The following GRID1 variants were observed in gnomAD, a reference collection of about 807,000 sequenced individuals.
GRID1 encodes the protein glutamate receptor ionotropic, delta-1.
In GRID1, 28 loss-of-function variants were observed where a neutral mutation model predicts 98.0. That is an observed-to-expected ratio of 0.29 (90% CI 0.21 to 0.39). The LOEUF (loss-of-function observed/expected upper bound fraction) is 0.39, where lower values mean the gene tolerates loss of function less well. Ranked by LOEUF, GRID1 falls within the 10% of genes least tolerant of loss-of-function variation. GRID1 has a pLI of 1.00. For synonymous variants in GRID1, 553 were observed against 538.5 expected (o/e 1.03, Z -0.37); for missense variants, 1,111 against 1,340.5 (o/e 0.83, Z 2.67).
intron 12 of GRID1, among the ~76,000 whole-genome samples, chr10:85,671,029 A>G (rs532018806): frequency 3.4e-4 from 52 of 152,310 alleles, no homozygotes; most frequent in Non-Finnish European, 6.3e-4. Flanking sequence ...CCTATGTCCT[A>G]TGAGGACACT....
intron 3 of GRID1, among the ~76,000 whole-genome samples, chr10:86,203,708 T>G (rs1355484922): frequency 1.3e-5 from 2 of 151,654 alleles, no homozygotes; most frequent in African/African-American, 2.4e-5. Flanking sequence ...GACAGCGCCA[T>G]GAGCACACCA....
intron 4 of GRID1, among the ~76,000 whole-genome samples, chr10:85,937,910 G>C (rs1841947909): frequency 6.6e-6 from 1 of 152,176 alleles, no homozygotes; most frequent in Non-Finnish European, 1.5e-5. Context: ...TCAACACAAA[G>C]TTGACACTAA....
intron 5 of GRID1, among the ~76,000 whole-genome samples, chr10:85,899,752 A>C (rs1255576741): frequency 6.6e-6 from 1 of 152,134 alleles, no homozygotes; most frequent in Non-Finnish European, 1.5e-5. Context: ...ACTTGTTCAG[A>C]TCCCCATGGG....
intron 2 of GRID1, among the ~76,000 whole-genome samples, chr10:86,280,872 T>A (rs1463204037): frequency 6.6e-6 from 1 of 152,198 alleles, no homozygotes; most frequent in Non-Finnish European, 1.5e-5. Flanking sequence ...TAGCTCATTC[T>A]CCAGCCTCGA....
chr10:86,097,151 G>C (rs1374429036), intron 4 of GRID1, among the ~76,000 whole-genome samples: 1 of 152,164 alleles, frequency 6.6e-6, no homozygotes, highest in Non-Finnish European at 1.5e-5. Flanking sequence ...TTCAGACTTG[G>C]ACTGAGCCAC....
intron 8 of GRID1, among the ~76,000 whole-genome samples, chr10:85,833,053 CA>C (rs1842882613): frequency 6.6e-6 from 1 of 152,188 alleles, no homozygotes; most frequent in East Asian, 1.9e-4. Context: ...TCCACACCCC[CA>C]CTGAGAGATA....
intron 3 of GRID1, among the ~76,000 whole-genome samples, chr10:86,197,475 T>C (rs1845892900): frequency 6.6e-6 from 1 of 151,928 alleles, no homozygotes; most frequent in African/African-American, 2.4e-5. Context: ...CAACACAACA[T>C]CTCCCTTGTT....
At chr10:86,077,139 T>A (rs1208018686) in intron 4 of GRID1, among the ~76,000 whole-genome samples, 1 of 138,166 alleles carries the variant, frequency 7.2e-6, no homozygotes, top group East Asian at 2.0e-4. Context: ...GGGACCATGG[T>A]GGGTGAGTTG....
intron 3 of GRID1, among the ~76,000 whole-genome samples, chr10:86,140,576 G>T (rs1258806959): frequency 6.6e-6 from 1 of 152,206 alleles, no homozygotes; most frequent in Non-Finnish European, 1.5e-5. Flanking sequence ...GCGCGAGGGA[G>T]AAGAGCAGAG....
In GRID1 at chr10:85,972,588, A is replaced by G. The variant is rs139844761; in HGVS notation, c.727-56349T>C. Among the ~76,000 whole-genome samples the G allele has an allele frequency of 3.3e-3, 502 of 151,928 alleles. 2 individuals carry two copies. The highest frequency in any genetic ancestry group is 0.011 in the African/African-American group (477 of 41,480). ...GAAATACTTTCTCAGTGCCTTTGCA[A>G]TCATCATGTTTATTGGCTACACAAT... On this transcript the variant is annotated intron_variant, in intron 4 of 15. Transcript: ENST00000327946.
At chr10:85,620,795 G>A (rs1842850105) in intron 13 of GRID1, among the ~76,000 whole-genome samples, 1 of 152,218 alleles carries the variant, frequency 6.6e-6, no homozygotes, top group African/African-American at 2.4e-5. Flanking sequence ...GCACATACAT[G>A]TGTAATAAGC....
At chr10:86,284,677 TGGCAGTCAAGGCAGGCAGAAAA>T (rs1311283311) in intron 2 of GRID1, among the ~76,000 whole-genome samples, 1 of 152,242 alleles carries the variant, frequency 6.6e-6, no homozygotes, top group Non-Finnish European at 1.5e-5. Flanking sequence ...GCTCTCAGTA[TGGCAGTCAAGGCAGGCAGAAAA>T]GCTAAGAGAG....
At chr10:86,302,259 G>A (rs900547799) in intron 2 of GRID1, among the ~76,000 whole-genome samples, 1 of 152,208 alleles carries the variant, frequency 6.6e-6, no homozygotes, top group African/African-American at 2.4e-5. Flanking sequence ...GCCTTCTTGG[G>A]AGACACATCT....
chr10:86,019,835 C>T (rs539372598), intron 4 of GRID1, among the ~76,000 whole-genome samples: 1 of 152,350 alleles, frequency 6.6e-6, no homozygotes, highest in East Asian at 1.9e-4. Context: ...CATGTATACC[C>T]AGGGCCAGGG....
At chr10:85,676,941 G>A (rs897847548) in intron 12 of GRID1, among the ~76,000 whole-genome samples, 8 of 152,072 alleles carry the variant, frequency 5.3e-5, no homozygotes, top group East Asian at 1.9e-4. Flanking sequence ...TTATGTTTGG[G>A]GTAGTAATAA....
At chr10:86,079,119 G>A (rs553178265) in intron 4 of GRID1, among the ~76,000 whole-genome samples, 1 of 152,338 alleles carries the variant, frequency 6.6e-6, no homozygotes, top group South Asian at 2.1e-4. Flanking sequence ...AACTGAAGCA[G>A]CACAGGTTTC....
chr10:85,981,018 C>G (rs1407850631), intron 4 of GRID1, among the ~76,000 whole-genome samples: 1 of 152,216 alleles, frequency 6.6e-6, no homozygotes, highest in Non-Finnish European at 1.5e-5. Context: ...GTAGCTTGGA[C>G]AGCCTCAGCG....
chr10:86,243,021 G>C (rs749951388), intron 2 of GRID1, among the ~76,000 whole-genome samples: 2 of 152,132 alleles, frequency 1.3e-5, no homozygotes, highest in South Asian at 4.2e-4. Flanking sequence ...TTCCTCGCCT[G>C]TAAAACAAGA....
At chr10:86,265,461 G>A (rs1348994394) in intron 2 of GRID1, among the ~76,000 whole-genome samples, 1 of 152,220 alleles carries the variant, frequency 6.6e-6, no homozygotes, top group Non-Finnish European at 1.5e-5. Flanking sequence ...AGGACACTGA[G>A]GCTTGCCCAC....
Sources: allele counts gnomAD v4.1 joint callset (sites outside exome capture counted in the v4.1 genomes callset), GRCh38; gene constraint gnomAD v4.1.1; transcripts MANE v1.5; gene names NCBI Gene and HGNC (gene_info 2026-07-23, HGNC 2026-07-21).